Variants in PTPRG observed in about 807,000 individuals in gnomAD.
PTPRG encodes protein tyrosine phosphatase receptor type G.
A neutral mutation model predicts 165.3 loss-of-function variants in PTPRG; 102 were observed. The observed-to-expected ratio is 0.62, with a 90% CI of 0.53 to 0.73. The LOEUF (loss-of-function observed/expected upper bound fraction) is 0.73, where lower values mean the gene tolerates loss of function less well. PTPRG is among the 30% of genes least tolerant of loss of function. The pLI, the probability that PTPRG is intolerant of heterozygous loss-of-function variation, is 0.00. For synonymous variants in PTPRG, 675 were observed against 669.5 expected, an observed-to-expected ratio of 1.01 and a Z score of -0.13; for missense variants, 1,866 against 1,861.4, an observed-to-expected ratio of 1.00 and a Z score of -0.05.
At chr3:61,611,389 C>A (rs939782596) in intron 1 of PTPRG, among the ~76,000 whole-genome samples, 5 of 152,106 alleles carry the variant, frequency 3.3e-5, no homozygotes, top group African/African-American at 1.2e-4. Context: ...TTTTAATTTT[C>A]ATTTTTTTCC....
At chr3:61,943,704 C>T (rs1335874938) in intron 2 of PTPRG, among the ~76,000 whole-genome samples, 4 of 152,214 alleles carry the variant, frequency 2.6e-5, no homozygotes, top group African/African-American at 9.6e-5. Context: ...CTGTCACCAT[C>T]ATGCCCTAAA....
chr3:61,779,030 G>A (rs1029705487), intron 2 of PTPRG, among the ~76,000 whole-genome samples: 1 of 152,076 alleles, frequency 6.6e-6, no homozygotes, highest in African/African-American at 2.4e-5. Context: ...TAAGGATGAT[G>A]AAAAATAATC....
intron 2 of PTPRG, among the ~76,000 whole-genome samples, chr3:61,927,324 T>A (rs1206335469): frequency 6.6e-6 from 1 of 152,254 alleles, no homozygotes; most frequent in African/African-American, 2.4e-5. Flanking sequence ...ACAACAGCTC[T>A]GTGCTTGCAG....
At chr3:62,281,794 C>T (rs1363374136) in intron 27 of PTPRG, 85 bp downstream of exon 27, 2 of 1,311,824 alleles carry the variant, frequency 1.5e-6, no homozygotes, top group South Asian at 1.6e-5. Context: ...ATTTACCACC[C>T]TCAAGCCAGG....
intron 2 of PTPRG, among the ~76,000 whole-genome samples, chr3:61,796,006 A>G (rs2035034091): frequency 6.6e-6 from 1 of 152,210 alleles, no homozygotes; most frequent in African/African-American, 2.4e-5. Flanking sequence ...CACCAGCCAA[A>G]GCAGGGAGAA....
chr3:62,166,062 T>C (rs1704962459), intron 7 of PTPRG, among the ~76,000 whole-genome samples: 1 of 152,094 alleles, frequency 6.6e-6, no homozygotes, highest in African/African-American at 2.4e-5. Context: ...ATTCGACCAT[T>C]TCTCCTGCAG....
intron 2 of PTPRG, among the ~76,000 whole-genome samples, chr3:61,788,658 T>C (rs962623859): frequency 3.3e-5 from 5 of 152,218 alleles, no homozygotes; most frequent in African/African-American, 1.2e-4. Flanking sequence ...CTAGCTACAG[T>C]TTGTTCTAGA....
intron 1 of PTPRG, among the ~76,000 whole-genome samples, chr3:61,606,635 G>T (rs1701016819): frequency 6.6e-6 from 1 of 152,202 alleles, no homozygotes; most frequent in Admixed American, 6.5e-5. Flanking sequence ...CACTTCTGGA[G>T]GCTGGGAAGC....
chr3:61,814,706 G>A (rs1326955407), intron 2 of PTPRG, among the ~76,000 whole-genome samples: 1 of 151,454 alleles, frequency 6.6e-6, no homozygotes, highest in East Asian at 2.0e-4. Context: ...AAACTTGTGT[G>A]CCATGATAGG....
At chr3:62,286,651 A>G (rs973271328) in intron 28 of PTPRG, among the ~76,000 whole-genome samples, 1 of 152,080 alleles carries the variant, frequency 6.6e-6, no homozygotes, top group African/African-American at 2.4e-5. Flanking sequence ...GGGAAAGATG[A>G]AAAAAATAGG....
chr3:61,626,029 GGC>G (rs67917237), intron 1 of PTPRG, among the ~76,000 whole-genome samples: 69,809 of 148,310 alleles, frequency 0.47, 16,934 homozygotes, highest in African/African-American at 0.61. Context: ...TTTTTGGGGG[GGC>G]GGGAGAGATC....
intron 1 of PTPRG, among the ~76,000 whole-genome samples, chr3:61,589,437 T>G (rs1700513164): frequency 6.6e-6 from 1 of 152,220 alleles, no homozygotes; most frequent in South Asian, 2.1e-4. Flanking sequence ...AAGGGTCTTC[T>G]CAGATATCTG....
intron 8 of PTPRG, among the ~76,000 whole-genome samples, chr3:62,181,077 A>G (rs928469801): frequency 6.6e-6 from 1 of 152,218 alleles, no homozygotes; most frequent in South Asian, 2.1e-4. Flanking sequence ...GGGCTTGTTC[A>G]TGGAAAGGGA....
chr3:62,205,428 C>A (rs1576132412), intron 12 of PTPRG, among the ~76,000 whole-genome samples: 1 of 152,186 alleles, frequency 6.6e-6, no homozygotes, highest in East Asian at 1.9e-4. Context: ...ACACAGACTT[C>A]TCTTCTCTTG....
intron 1 of PTPRG, among the ~76,000 whole-genome samples, chr3:61,566,697 G>C (rs907449068): frequency 6.6e-6 from 1 of 152,196 alleles, no homozygotes; most frequent in African/African-American, 2.4e-5. Context: ...TGTGGAGACG[G>C]AGTGCCGCCA....
rs1252278315 is a variant in PTPRG at position 62,273,069 on chromosome 3, C to T, written c.3306C>T (p.Leu1102=). Residue 1102 remains leucine, a synonymous_variant, in exon 22 of 30, where the codon CTC becomes CTT. Coordinates refer to ENST00000474889, the MANE Select transcript of PTPRG (RefSeq NM_002841.4). The surrounding 1 kb of genome is among the most constrained non-coding windows in gnomAD (Gnocchi z 4.1). The part of the protein sequence containing the change: ...LKHIRTQRNY[L]VQTEEQYIFI... Reference sequence around the variant, plus strand: ...ATATCAGGACACAGCGTAACTACCTCGTCCAGACTGAGGTAAGGAGTAGCT... The same window carrying T: ...ATATCAGGACACAGCGTAACTACCTTGTCCAGACTGAGGTAAGGAGTAGCT... The T allele has an allele frequency of 5.0e-6, 8 of 1,611,676 alleles. No individual in the cohort carries two copies. Among genetic ancestry groups the T allele is most frequent in the East Asian group, 2.2e-5 (1 of 44,826 alleles).
chr3:61,936,995 C>A (rs1375178345), intron 2 of PTPRG, among the ~76,000 whole-genome samples: 1 of 152,174 alleles, frequency 6.6e-6, no homozygotes, highest in Non-Finnish European at 1.5e-5. Flanking sequence ...TCTTGCGAAT[C>A]AGATGACCAG....
chr3:62,011,786 T>A (rs1210743282), intron 4 of PTPRG, among the ~76,000 whole-genome samples: 2 of 152,192 alleles, frequency 1.3e-5, no homozygotes, highest in Admixed American at 6.5e-5. Context: ...GTAAAACAGC[T>A]TTGGTCCCTG....
At chr3:61,638,319 G>A (rs983965684) in intron 1 of PTPRG, among the ~76,000 whole-genome samples, 1 of 151,384 alleles carries the variant, frequency 6.6e-6, no homozygotes, top group African/African-American at 2.4e-5. Flanking sequence ...GGACCTTGCT[G>A]TAGAGCAGCA....
Sources: allele counts gnomAD v4.1 joint callset (sites outside exome capture counted in the v4.1 genomes callset), GRCh38; gene constraint gnomAD v4.1.1; non-coding constraint Gnocchi (gnomAD v3.1); transcripts MANE v1.5; gene names NCBI Gene and HGNC (gene_info 2026-07-23, HGNC 2026-07-21).